AP5Z1: variants seen among roughly 807,000 people sequenced by gnomAD.
The protein encoded by AP5Z1 is adaptor related protein complex 5 subunit zeta 1, also known as AP-5 complex subunit zeta-1.
A neutral mutation model predicts 83.0 loss-of-function variants in AP5Z1; 106 were observed. The observed-to-expected ratio is 1.28, with a 90% CI of 1.09 to 1.50. The LOEUF is 1.50. Ranked by LOEUF, AP5Z1 falls within the 40% of genes most tolerant of loss-of-function variation. AP5Z1 has a pLI of 0.00. For synonymous variants in AP5Z1, 751 were observed against 514.1 expected, an observed-to-expected ratio of 1.46 and a Z score of -6.23; for missense variants, 1,565 against 1,094.2, an observed-to-expected ratio of 1.43 and a Z score of -6.07.
intron 14 of AP5Z1, 106 bp from the exon 15 acceptor site, chr7:4,790,353 A>G: frequency 6.4e-7 from 1 of 1,571,278 alleles, no homozygotes; most frequent in Non-Finnish European, 8.6e-7. Flanking sequence ...GGTGCAGCAT[A>G]CACCTACCAC....
In AP5Z1 at chr7:4,777,476, C is replaced by T. The variant is rs186403898; in HGVS notation, c.41+1720C>T. On this transcript the variant is annotated intron_variant, in intron 1 of 16. Transcript: ENST00000649063. Reference sequence around the variant, plus strand: ...AATCTCAGTTCACTGCAACCTCCGCCTCCTGGGTTCAAGCAATTCTCCTGC... The same window carrying T: ...AATCTCAGTTCACTGCAACCTCCGCTTCCTGGGTTCAAGCAATTCTCCTGC... Among the ~76,000 whole-genome samples the T allele has an allele frequency of 8.9e-3, 1,359 of 152,228 alleles. 22 individuals carry two copies. Among genetic ancestry groups the T allele is most frequent in the African/African-American group, 0.029 (1,215 of 41,516 alleles).
Position 4,781,558 on chromosome 7 carries a change from C to G in AP5Z1, c.180-10C>G. 2.5e-6 allele frequency: 4 copies of G among 1,601,668 alleles called. No homozygotes were observed. The highest frequency in any genetic ancestry group is 2.2e-5 in the East Asian group (1 of 44,492). ...GTGTTACCGCCCACCACGGGCATCTCGCCTTCCAGGCTGGAGAAGACATGC... is the reference window on the plus strand; with the variant it reads ...GTGTTACCGCCCACCACGGGCATCTGGCCTTCCAGGCTGGAGAAGACATGC... On this transcript the variant is annotated splice_polypyrimidine_tract_variant and intron_variant, in intron 2 of 16. Transcript: ENST00000649063.
Position 4,790,821 on chromosome 7 carries a change from A to C in AP5Z1, c.2087A>C (p.Gln696Pro). The change falls in exon 16 of 17, where the codon CAG (glutamine) becomes CCG (proline). Residue 696 changes from glutamine to proline, a missense_variant. Coordinates refer to ENST00000649063, the MANE Select transcript of AP5Z1 (RefSeq NM_014855.3). ...PSAALPRCPP[Q>P]VVTVLMTTLT... is the part of the protein sequence containing the mutation. The stretch of plus-strand genomic sequence containing the variant: ...GCTGCCCTGCCCAGGTGTCCCCCCC[A>C]GGTGGTCACCGTGCTGATGACCACG... 6 of 1,609,342 alleles carry C rather than the reference A, an allele frequency of 3.7e-6. No individual in the cohort carries two copies. Among genetic ancestry groups the C allele is most frequent in the Non-Finnish European group, 5.1e-6 (6 of 1,178,872 alleles).
At position 4,790,755 on chromosome 7, in the gene AP5Z1, T is replaced by TGGAGGCTCTGCTATTCG; in HGVS notation, c.2022_2038dup (p.Glu680GlyfsTer28). The TGGAGGCTCTGCTATTCG allele has an allele frequency of 6.2e-7, 1 of 1,609,252 alleles. No homozygotes were observed. The highest frequency in any genetic ancestry group is 8.5e-7 in the Non-Finnish European group (1 of 1,178,768). On this transcript the variant is annotated frameshift_variant, in exon 16 of 17. Transcript: ENST00000649063. LOFTEE classifies it high-confidence loss of function. ...CAGATCAACAAGTTCTTCGAAGCCCTGGAGGCTCTGCTATTCGAGGTCACC... is the reference window on the plus strand; with the variant it reads ...CAGATCAACAAGTTCTTCGAAGCCCTGGAGGCTCTGCTATTCGGGAGGCTCTGCTATTCGAGGTCACC...
rs374600811 is a variant in AP5Z1 at position 4,785,062 on chromosome 7, C to T, written c.931+14C>T. 32 of 1,585,086 alleles carry T rather than the reference C, an allele frequency of 2.0e-5. No individual in the cohort carries two copies. Among genetic ancestry groups the T allele is most frequent in the African/African-American group, 2.7e-5 (2 of 74,526 alleles). On this transcript the variant is annotated intron_variant, in intron 7 of 16. Transcript: ENST00000649063. Reference sequence around the variant, plus strand: ...AAAGTAACCGACGTGAGTCCCCCACCCAGGGCACTGGCCTCCCCAGGGCTC... The same window carrying T: ...AAAGTAACCGACGTGAGTCCCCCACTCAGGGCACTGGCCTCCCCAGGGCTC...
rs772306348 is a variant in AP5Z1 at position 4,781,549 on chromosome 7, C to T, written c.180-19C>T. On this transcript the variant is annotated intron_variant, in intron 2 of 16. Transcript: ENST00000649063. ...GGTCGTGACGTGTTACCGCCCACCA[C>T]GGGCATCTCGCCTTCCAGGCTGGAG... The T allele has an allele frequency of 4.4e-6, 7 of 1,600,428 alleles. No homozygotes were observed. Among genetic ancestry groups the T allele is most frequent in the African/African-American group, 1.3e-5 (1 of 74,692 alleles).
At chr7:4,780,201 T>C (rs1271074515) in intron 1 of AP5Z1, among the ~76,000 whole-genome samples, 2 of 152,228 alleles carry the variant, frequency 1.3e-5, no homozygotes, top group Non-Finnish European at 2.9e-5. Context: ...CATTTGGGAC[T>C]TTTCAGTATC....
rs1781618178 is a variant in AP5Z1, at chr7:4,788,184, CTG to C, written c.1486_1487del (p.Trp496GlyfsTer35). The C allele has an allele frequency of 3.2e-6, 5 of 1,558,598 alleles. No individual in the cohort carries two copies. The African/African-American group carries it at 6.8e-5, about 21-fold the overall frequency. ...SAPAASERPL[W>X]DTSLRAPSCL... ...CACCGGCTGCATCCGAGAGGCCACT[CTG>C]GGACACCTCTCTCAGGGCCCCCAGC... On this transcript the variant is annotated frameshift_variant, in exon 12 of 17. Coordinates refer to ENST00000649063, the MANE Select transcript of AP5Z1 (RefSeq NM_014855.3). LOFTEE classifies it high-confidence loss of function.
In AP5Z1 at chr7:4,788,891, G is replaced by A; in HGVS notation, c.1647G>A (p.Val549=). 1 of 1,611,040 alleles carries A rather than the reference G, an allele frequency of 6.2e-7. No homozygotes were observed. Among genetic ancestry groups the A allele is most frequent in the Non-Finnish European group, 8.5e-7 (1 of 1,179,390 alleles). ...AGCCCATGGCCGGCTGTGCCCGCGTGGCCCAGTGTGCCCAGGCCGTGCCCA... is the reference window on the plus strand; with the variant it reads ...AGCCCATGGCCGGCTGTGCCCGCGTAGCCCAGTGTGCCCAGGCCGTGCCCA... ...LLQPMAGCAR[V]AQCAQAVPTL... The change falls in exon 13 of 17, where the codon GTG becomes GTA. Residue 549 remains valine, a synonymous_variant. Transcript: ENST00000649063.
chr7:4,781,963 C>T (rs562184207), intron 3 of AP5Z1, among the ~76,000 whole-genome samples: 17 of 152,336 alleles, frequency 1.1e-4, no homozygotes, highest in African/African-American at 4.1e-4. Context: ...TATGTTGGTG[C>T]TCAGGAGAGG....
intron 13 of AP5Z1, among the ~76,000 whole-genome samples, chr7:4,789,253 C>T (rs1425546898): frequency 6.6e-6 from 1 of 152,170 alleles, no homozygotes; most frequent in East Asian, 1.9e-4. Flanking sequence ...TCCTGTCTCC[C>T]ATCCCAGCAG....
intron 1 of AP5Z1, among the ~76,000 whole-genome samples, chr7:4,779,046 A>T (rs535023803): frequency 2.4e-3 from 322 of 135,734 alleles, no homozygotes; most frequent in African/African-American, 7.5e-3. Flanking sequence ...ATATATATAT[A>T]GATAGATAGA....
In AP5Z1 at chr7:4,791,332, C is replaced by G. The variant is rs1363314445; in HGVS notation, c.2371C>G (p.Leu791Val). ...TGCCAACACGGCCCTGCCCCTGGCC[C>G]TGCGCACGGTCAGCCGGCTGGTGGA... ...RDANTALPLA[L>V]RTVSRLVERE... The change falls in exon 17 of 17, where the codon CTG becomes GTG. Residue 791 changes from leucine (L) to valine (V), a missense_variant. Coordinates refer to ENST00000649063, the MANE Select transcript of AP5Z1 (RefSeq NM_014855.3). 2 of 1,610,562 alleles carry G rather than the reference C, an allele frequency of 1.2e-6. No individual in the cohort carries two copies. Among genetic ancestry groups the G allele is most frequent in the Admixed American group, 1.7e-5 (1 of 59,778 alleles).
At chr7:4,787,977 G>A (rs1180733148) in intron 11 of AP5Z1, among the ~76,000 whole-genome samples, 177 bp from the exon 12 acceptor site, 1 of 152,118 alleles carries the variant, frequency 6.6e-6, no homozygotes, top group Admixed American at 6.5e-5. Flanking sequence ...GGCAGCCCCT[G>A]CACCCTGGAG....
intron 1 of AP5Z1, among the ~76,000 whole-genome samples, chr7:4,778,787 T>G: frequency 6.9e-6 from 1 of 145,726 alleles, no homozygotes; most frequent in Middle Eastern, 3.6e-3. Context: ...TTTAGTAATA[T>G]ATAATATAAT....
At chr7:4,788,032 A>G in intron 11 of AP5Z1, 122 bp from the exon 12 acceptor site, 1 of 1,399,450 alleles carries the variant, frequency 7.1e-7, no homozygotes, top group Non-Finnish European at 9.4e-7. Flanking sequence ...TCCCATGCCA[A>G]GCCCTTCCTG....
chr7:4,789,963 G>A, intron 14 of AP5Z1, 34 bp downstream of exon 14: 1 of 1,490,080 alleles, frequency 6.7e-7, no homozygotes. Context: ...CACAGCCCTG[G>A]GCGGGTGCCT....
Position 4,787,727 on chromosome 7 carries a change from G to T in AP5Z1, c.1405G>T (p.Ala469Ser), listed in dbSNP as rs368021131. ...TGGCACAGCCCTGGAGATGCTGCAC[G>T]CGCTGCTGGACCTGCCCTGCTTGAC... Reference protein sequence around the residue: ...DAGTALEMLHALLDLPCLTAV... With the variant: ...DAGTALEMLHSLLDLPCLTAV... Residue 469 changes from alanine (A) to serine (S), a missense_variant, in exon 11 of 17, where the codon GCG becomes TCG. Physicochemically the swap from Ala to Ser is moderately conservative, Grantham distance 99. Coordinates refer to ENST00000649063, the MANE Select transcript of AP5Z1 (RefSeq NM_014855.3). The T allele has an allele frequency of 2.8e-5, 43 of 1,548,642 alleles. No individual in the cohort carries two copies. Among genetic ancestry groups the T allele is most frequent in the Non-Finnish European group, 3.4e-5 (39 of 1,148,940 alleles).
intron 9 of AP5Z1, 37 bp from the exon 10 acceptor site, chr7:4,786,213 G>T: frequency 6.4e-7 from 1 of 1,559,560 alleles, no homozygotes; most frequent in Non-Finnish European, 8.7e-7. Context: ...CCAGGGCGAG[G>T]TCAAGACGTG....
Sources: allele counts gnomAD v4.1 joint callset (sites outside exome capture counted in the v4.1 genomes callset), GRCh38; gene constraint gnomAD v4.1.1; transcripts MANE v1.5; gene names NCBI Gene and HGNC (gene_info 2026-07-23, HGNC 2026-07-21).